The following DCBLD1 variants were observed in gnomAD, a reference collection of about 807,000 sequenced individuals.
The protein encoded by DCBLD1 is discoidin, CUB and LCCL domain-containing protein 1.
In DCBLD1, 57 loss-of-function variants were observed where a neutral mutation model predicts 71.5. The observed-to-expected ratio is 0.80, with a 90% CI of 0.64 to 0.99. The LOEUF (loss-of-function observed/expected upper bound fraction) is 0.99. Ranked by LOEUF, DCBLD1 falls within the 50% of genes least tolerant of loss-of-function variation. The pLI is 0.00. For missense variants in DCBLD1, 891 were observed against 923.5 expected (o/e 0.96, Z 0.46); for synonymous variants, 380 against 363.8 (o/e 1.04, Z -0.51).
Position 117,517,254 on chromosome 6 carries a change from A to AG in DCBLD1, c.326-2562_326-2561insG, listed in dbSNP as rs1452449028. 2.0e-5 allele frequency among the ~76,000 whole-genome samples: 3 copies of AG among 152,250 alleles called. No homozygotes were observed. The East Asian group carries it at 5.8e-4, about 29-fold the overall frequency. ...GGCTCAGGCCCCATGAAAGTCTGAA[A>AG]TCCAGTGGGGCAGTCAAATCTTAAA... On this transcript the variant is annotated intron_variant, in intron 2 of 14. Coordinates refer to ENST00000338728, the MANE Select transcript of DCBLD1 (RefSeq NM_001366458.2).
intron 14 of DCBLD1, chr6:117,561,581 AGTT>A (rs1188768716): frequency 4.8e-6 from 1 of 210,320 alleles, no homozygotes; most frequent in East Asian, 7.1e-5. Context: ...AGAAAAAACA[AGTT>A]GTTTTTTTTC....
intron 14 of DCBLD1, chr6:117,563,077 C>T: frequency 1.7e-6 from 1 of 574,634 alleles, no homozygotes; most frequent in Non-Finnish European, 3.1e-6. Flanking sequence ...TATGGTCTAC[C>T]ACAGAAAACA....
chr6:117,501,795 G>T (rs1240493382), intron 1 of DCBLD1, among the ~76,000 whole-genome samples: 2 of 152,140 alleles, frequency 1.3e-5, no homozygotes, highest in Non-Finnish European at 2.9e-5. Context: ...GCAATTTTGT[G>T]TTTACCAACT....
intron 1 of DCBLD1, among the ~76,000 whole-genome samples, chr6:117,497,203 T>A (rs1050761079): frequency 6.6e-6 from 1 of 152,134 alleles, no homozygotes; most frequent in African/African-American, 2.4e-5. Context: ...AAAAAAAATT[T>A]AAAAAAAGTA....
chr6:117,521,853 A>G (rs755209643), intron 4 of DCBLD1, among the ~76,000 whole-genome samples: 1 of 152,244 alleles, frequency 6.6e-6, no homozygotes, highest in Non-Finnish European at 1.5e-5. Context: ...AAGCAACCAT[A>G]GACACCATGT....
Position 117,535,239 on chromosome 6 carries a change from CTTGAT to C in DCBLD1, c.720-1941_720-1937del, listed in dbSNP as rs1425382753. 1.1e-4 allele frequency among the ~76,000 whole-genome samples: 16 copies of C among 152,286 alleles called. 1 individual carries two copies. The highest frequency in any genetic ancestry group is 6.5e-4 in the Admixed American group (10 of 15,304). On this transcript the variant is annotated intron_variant, in intron 6 of 14. Coordinates refer to ENST00000338728, the MANE Select transcript of DCBLD1 (RefSeq NM_001366458.2). ...GATTCATCTCCGGTCAGGTCATTTC[CTTGAT>C]TTGAAGAGACCAGAATGGTATCAGG...
At chr6:117,538,487 A>T in intron 7 of DCBLD1, 133 bp from the exon 8 acceptor site, 1 of 783,950 alleles carries the variant, frequency 1.3e-6, no homozygotes, top group Non-Finnish European at 2.0e-6. Flanking sequence ...AAAAGCTGGT[A>T]ATTAAACACT....
intron 12 of DCBLD1, 68 bp from the exon 13 acceptor site, chr6:117,544,460 G>C: frequency 6.6e-7 from 1 of 1,513,788 alleles, no homozygotes; most frequent in Non-Finnish European, 9.1e-7. Context: ...TGATCCTTAT[G>C]TTATATAGGG....
In DCBLD1 at chr6:117,543,277, T is replaced by A; in HGVS notation, c.1445+66T>A. On this transcript the variant is annotated intron_variant, in intron 12 of 14. Coordinates refer to ENST00000338728, the MANE Select transcript of DCBLD1 (RefSeq NM_001366458.2). The stretch of plus-strand genomic sequence containing the variant: ...GCGAACAATAAAAAACCAAAAAGTT[T>A]ATTCTTCAGAAATGCATATGTACAA... 3.6e-6 allele frequency: 5 copies of A among 1,397,934 alleles called. No individual in the cohort carries two copies. In the East Asian group the frequency reaches 1.1e-4, roughly 32 times the overall value. 86.6% of individuals were successfully genotyped at this position (1,397,934 alleles called of 1,614,324 possible).
Position 117,545,613 on chromosome 6 carries a change from C to T in DCBLD1, c.1615+16C>T, listed in dbSNP as rs1306627254. ...GATATGGCAGGTAAGTGTCATATTT[C>T]TAGGACTGTGCTATTAGATTGGAGG... is the stretch of plus-strand genomic sequence containing the variant. On this transcript the variant is annotated intron_variant, in intron 14 of 14. Coordinates refer to ENST00000338728, the MANE Select transcript of DCBLD1 (RefSeq NM_001366458.2). The T allele has an allele frequency of 1.9e-6, 3 of 1,611,510 alleles. No individual in the cohort carries two copies. The highest frequency in any genetic ancestry group is 2.5e-6 in the Non-Finnish European group (3 of 1,178,646).
chr6:117,548,406 C>T lies in DCBLD1; in HGVS notation c.2115C>T (p.Pro705=). 5 of 1,550,696 alleles carry T rather than the reference C, an allele frequency of 3.2e-6. No individual in the cohort carries two copies. In the South Asian group the frequency reaches 5.9e-5, roughly 18 times the overall value. Residue 705 remains proline (P), a synonymous_variant, in exon 15 of 15, where the codon CCC becomes CCT. Coordinates refer to ENST00000338728, the MANE Select transcript of DCBLD1 (RefSeq NM_001366458.2). ...SYSAPRDCLT[P]LNQTAMTALL ...CTGCCCCCAGAGACTGCCTCACACC[C>T]CTCAACCAGACGGCCATGACTGCCC...
chr6:117,488,062 A>G (rs2105907), intron 1 of DCBLD1, among the ~76,000 whole-genome samples: 75,305 of 151,944 alleles, frequency 0.5, 19,379 homozygotes, highest in African/African-American at 0.64. Flanking sequence ...TTGCCTTTCA[A>G]TGGGAGTTGA....
intron 12 of DCBLD1, 183 bp from the exon 13 acceptor site, chr6:117,544,345 G>T: frequency 2.0e-6 from 1 of 490,092 alleles, no homozygotes; most frequent in Non-Finnish European, 3.5e-6. Context: ...TTATAAATGA[G>T]ATAAATTTAT....
chr6:117,482,799 C>T lies in DCBLD1; in HGVS notation c.18C>T (p.Arg6=), dbSNP rs1291448441. 1.7e-6 allele frequency: 2 copies of T among 1,147,686 alleles called. No homozygotes were observed. Among genetic ancestry groups the T allele is most frequent in the Non-Finnish European group, 1.1e-6 (1 of 934,718 alleles). 71.1% of individuals were successfully genotyped at this position (1,147,686 alleles called of 1,614,324 possible). A position where few individuals can be genotyped will look rare whatever the true frequency, so the allele number is the denominator to read the frequency against. The change falls in exon 1 of 15, where the codon CGC becomes CGT. Residue 6 remains arginine (R), a synonymous_variant. Transcript: ENST00000338728. The part of the protein sequence containing the change: MVPGA[R]GGGALARAAG... Reference sequence around the variant, plus strand: ...GCGGGGTCATGGTGCCCGGCGCCCGCGGCGGCGGCGCACTGGCGCGGGCTG... The same window carrying T: ...GCGGGGTCATGGTGCCCGGCGCCCGTGGCGGCGGCGCACTGGCGCGGGCTG...
At chr6:117,502,717 C>G (rs1439961190) in intron 1 of DCBLD1, among the ~76,000 whole-genome samples, 1 of 152,020 alleles carries the variant, frequency 6.6e-6, no homozygotes, top group African/African-American at 2.4e-5. Context: ...TTCTCTCCCT[C>G]CAGCTGAGAC....
At chr6:117,532,683 G>C (rs1338480948) in intron 6 of DCBLD1, among the ~76,000 whole-genome samples, 1 of 152,178 alleles carries the variant, frequency 6.6e-6, no homozygotes, top group Non-Finnish European at 1.5e-5. Context: ...AGAAAATAAA[G>C]GCTTAATCCT....
Position 117,548,173 on chromosome 6 carries a change from C to A in DCBLD1, c.1882C>A (p.Pro628Thr). ...QSGYRVPGPQ[P>T]GHKHSLSSGG... ...CGGCTACCGCGTCCCAGGGCCCCAG[C>A]CCGGCCACAAACACTCCCTCTCCTC... Residue 628 changes from proline (P) to threonine (T), a missense_variant, in exon 15 of 15, where the codon CCC (proline) becomes ACC (threonine). Transcript: ENST00000338728. The A allele has an allele frequency of 6.5e-7, 1 of 1,550,316 alleles. No homozygotes were observed. Among genetic ancestry groups the A allele is most frequent in the Non-Finnish European group, 8.7e-7 (1 of 1,146,878 alleles).
At chr6:117,493,957 T>C (rs1054943080) in intron 1 of DCBLD1, among the ~76,000 whole-genome samples, 2 of 152,228 alleles carry the variant, frequency 1.3e-5, no homozygotes, top group African/African-American at 4.8e-5. Flanking sequence ...TGTGTGTATC[T>C]GTATATATAT....
chr6:117,526,464 C>G (rs1465801295), intron 5 of DCBLD1, among the ~76,000 whole-genome samples: 2 of 152,210 alleles, frequency 1.3e-5, no homozygotes, highest in Admixed American at 6.5e-5. Flanking sequence ...TATCATTTTC[C>G]TGTTCTATGC....
Sources: allele counts gnomAD v4.1 joint callset (sites outside exome capture counted in the v4.1 genomes callset), GRCh38; gene constraint gnomAD v4.1.1; transcripts MANE v1.5; gene names NCBI Gene and HGNC (gene_info 2026-07-23, HGNC 2026-07-21).